The following CNOT4 variants were observed in gnomAD, a reference collection of about 807,000 sequenced individuals.
The protein encoded by CNOT4 is CCR4-associated factor 4.
A neutral mutation model predicts 73.8 loss-of-function variants in CNOT4; 8 were observed. The ratio of observed to expected loss-of-function variants is 0.11; its 90% CI spans 0.06 to 0.20. The LOEUF is 0.20. Ranked by LOEUF, CNOT4 falls within the 10% of genes least tolerant of loss-of-function variation. CNOT4 has a pLI of 1.00. For missense variants in CNOT4, 564 were observed against 883.4 expected (o/e 0.64, Z 4.58); for synonymous variants, 293 against 321.1 (o/e 0.91, Z 0.94).
At chr7:135,373,250 TC>T (rs1297164578) in intron 10 of CNOT4, among the ~76,000 whole-genome samples, 1 of 152,232 alleles carries the variant, frequency 6.6e-6, no homozygotes. Context: ...AAGCCACTGC[TC>T]AGCCTGATGC....
intron 1 of CNOT4, among the ~76,000 whole-genome samples, chr7:135,500,805 G>A (rs1020498092): frequency 2.6e-5 from 4 of 152,018 alleles, no homozygotes; most frequent in South Asian, 4.1e-4. Flanking sequence ...CCTAATAACC[G>A]TTCTGAACTA....
At chr7:135,491,221 G>A (rs1237872762) in intron 1 of CNOT4, among the ~76,000 whole-genome samples, 2 of 152,306 alleles carry the variant, frequency 1.3e-5, no homozygotes, top group South Asian at 4.1e-4. Flanking sequence ...TACGGAGAGA[G>A]ATCTGGGCTG....
chr7:135,438,093 A>G, intron 2 of CNOT4, 65 bp downstream of exon 2: 2 of 844,978 alleles, frequency 2.4e-6, no homozygotes, highest in Non-Finnish European at 3.9e-6. Flanking sequence ...ACTTGCTCAT[A>G]TACATGGCAG....
chr7:135,467,680 C>T (rs1250085252), intron 1 of CNOT4, among the ~76,000 whole-genome samples: 2 of 152,050 alleles, frequency 1.3e-5, no homozygotes, highest in African/African-American at 4.8e-5. Flanking sequence ...TACTGCACTC[C>T]AGCCTGGATG....
chr7:135,448,522 T>C (rs1327501017), intron 1 of CNOT4, among the ~76,000 whole-genome samples: 5 of 122,898 alleles, frequency 4.1e-5, no homozygotes, highest in Admixed American at 2.0e-4. Context: ...AGAGCAACTC[T>C]GTCAAAAAAA....
intron 2 of CNOT4, among the ~76,000 whole-genome samples, chr7:135,434,191 C>T (rs898323141): frequency 6.6e-6 from 1 of 152,196 alleles, no homozygotes; most frequent in African/African-American, 2.4e-5. Context: ...CCTCTCTAGG[C>T]CTCTAGCAAC....
chr7:135,415,078 C>G (rs759611541), intron 4 of CNOT4, 98 bp downstream of exon 4: 243 of 750,624 alleles, frequency 3.2e-4, no homozygotes, highest in Non-Finnish European at 4.8e-4. Flanking sequence ...CCTTGTCCCT[C>G]AAGCTTTCTA....
intron 1 of CNOT4, among the ~76,000 whole-genome samples, chr7:135,488,638 T>C (rs1802899362): frequency 6.6e-6 from 1 of 152,240 alleles, no homozygotes; most frequent in South Asian, 2.1e-4. Context: ...CTGGGTTTTA[T>C]GTTAAAGCAG....
Position 135,441,352 on chromosome 7 carries a change from A to C in CNOT4, c.-92-2929T>G, listed in dbSNP as rs1799469262. ...TCACTTTTGCTAATAATTAGAAGAA[A>C]AATACAACGAAATAGTGTCTTCTTG... On this transcript the variant is annotated intron_variant, in intron 1 of 11. Coordinates refer to ENST00000541284, the MANE Select transcript of CNOT4 (RefSeq NM_001190850.2). Among the ~76,000 whole-genome samples the C allele has an allele frequency of 2.0e-5, 3 of 152,082 alleles. No individual in the cohort carries two copies. The South Asian group carries it at 6.2e-4, about 31-fold the overall frequency.
chr7:135,367,890 TTAGTAA>T (rs1192689765), intron 10 of CNOT4, among the ~76,000 whole-genome samples: 2 of 152,184 alleles, frequency 1.3e-5, no homozygotes, highest in Admixed American at 6.5e-5. Flanking sequence ...TTTAAAGTAA[TTAGTAA>T]TAGTATAATA....
chr7:135,453,613 C>A (rs1250558031), intron 1 of CNOT4, among the ~76,000 whole-genome samples: 1 of 151,132 alleles, frequency 6.6e-6, no homozygotes, highest in Non-Finnish European at 1.5e-5. Context: ...TAAAGGAGGG[C>A]AGATAACAGG....
At chr7:135,449,412 T>C (rs1313228123) in intron 1 of CNOT4, among the ~76,000 whole-genome samples, 2 of 152,210 alleles carry the variant, frequency 1.3e-5, no homozygotes, top group Non-Finnish European at 2.9e-5. Flanking sequence ...AAAGAGACAC[T>C]AGCTGCAAAT....
chr7:135,419,692 C>T (rs1016168053), intron 3 of CNOT4, among the ~76,000 whole-genome samples: 1 of 152,000 alleles, frequency 6.6e-6, no homozygotes. Flanking sequence ...TCATTTCCTT[C>T]AATATAATAG....
Position 135,505,707 on chromosome 7 carries a change from T to C in CNOT4, c.-93+4182A>G, listed in dbSNP as rs111534471. On this transcript the variant is annotated intron_variant, in intron 1 of 11. Coordinates refer to ENST00000541284, the MANE Select transcript of CNOT4 (RefSeq NM_001190850.2). ...CTTTTTAGTAGCTTATAATTTCTCT[T>C]TTCTGATAAAAAGAAAAATATGCTG... Among the ~76,000 whole-genome samples, 4 of 152,318 alleles carry C rather than the reference T, an allele frequency of 2.6e-5. 1 individual carries two copies. Among genetic ancestry groups the C allele is most frequent in the African/African-American group, 9.6e-5 (4 of 41,574 alleles).
chr7:135,365,245 C>T (rs1027933049), intron 10 of CNOT4, among the ~76,000 whole-genome samples: 3 of 152,230 alleles, frequency 2.0e-5, no homozygotes, highest in South Asian at 2.1e-4. Context: ...TAAAATACTA[C>T]AACTAAACTG....
At chr7:135,392,054 T>C (rs1796430315) in intron 10 of CNOT4, among the ~76,000 whole-genome samples, 1 of 152,088 alleles carries the variant, frequency 6.6e-6, no homozygotes, top group African/African-American at 2.4e-5. Flanking sequence ...TTCCTGCCTC[T>C]ATGCCTTTAC....
intron 1 of CNOT4, among the ~76,000 whole-genome samples, chr7:135,461,012 T>C (rs1800841838): frequency 6.6e-6 from 1 of 152,210 alleles, no homozygotes; most frequent in South Asian, 2.1e-4. Context: ...AAAAGCATTT[T>C]TAGCTCATGG....
intron 2 of CNOT4, among the ~76,000 whole-genome samples, chr7:135,436,507 A>G (rs546001609): frequency 2.6e-5 from 2 of 76,862 alleles, no homozygotes; most frequent in East Asian, 7.2e-4. Flanking sequence ...TTTCTAAAAT[A>G]TAACTAAATG....
In CNOT4 at chr7:135,362,068, A is replaced by G. The variant is rs1354998409; in HGVS notation, c.*817T>C. 1.3e-5 allele frequency: 2 copies of G among 152,726 alleles called. No homozygotes were observed. Among genetic ancestry groups the G allele is most frequent in the African/African-American group, 4.8e-5 (2 of 41,464 alleles). 9.5% of individuals were successfully genotyped at this position (152,726 alleles called of 1,614,324 possible). A position where few individuals can be genotyped will look rare whatever the true frequency, so the allele number is the denominator to read the frequency against. On this transcript the variant is annotated 3_prime_UTR_variant, in exon 12 of 12. Coordinates refer to ENST00000541284, the MANE Select transcript of CNOT4 (RefSeq NM_001190850.2). Reference sequence around the variant, plus strand: ...TCGTCAGGTGAATTTATGGTAAAACAAAAAAGATTCCGACAGAGGAGAAGG... The same window carrying G: ...TCGTCAGGTGAATTTATGGTAAAACGAAAAAGATTCCGACAGAGGAGAAGG...
Sources: allele counts gnomAD v4.1 joint callset (sites outside exome capture counted in the v4.1 genomes callset), GRCh38; gene constraint gnomAD v4.1.1; transcripts MANE v1.5; gene names NCBI Gene and HGNC (gene_info 2026-07-23, HGNC 2026-07-21).